The following ARHGEF40 variants were observed in gnomAD, a reference collection of about 807,000 sequenced individuals.
ARHGEF40 encodes the protein Rho guanine nucleotide exchange factor (GEF) 40.
A neutral mutation model predicts 165.9 loss-of-function variants in ARHGEF40; 98 were observed. The ratio of observed to expected loss-of-function variants is 0.59; its 90% CI spans 0.50 to 0.70. ARHGEF40 has a LOEUF of 0.70. Among genes scored for constraint, ARHGEF40 ranks in the 30% least tolerant of loss-of-function variants. ARHGEF40 has a pLI of 0.00. For synonymous variants in ARHGEF40, 792 were observed against 814.3 expected, an observed-to-expected ratio of 0.97 and a Z score of 0.47; for missense variants, 1,815 against 1,968.0, an observed-to-expected ratio of 0.92 and a Z score of 1.47.
In ARHGEF40 at chr14:21,082,070, G is replaced by A. The variant is rs373623197; in HGVS notation, c.3202G>A (p.Gly1068Arg). ...GCTGGGCCGGGCTAGGGGGCCAGAC[G>A]GACCCTGGGGAGTAGGCACCCCCCG... ...VLLGRARGPD[G>R]PWGVGTPRME... Residue 1068 changes from glycine to arginine, a missense_variant, in exon 14 of 24, where the codon GGA becomes AGA. Physicochemically the swap from Gly to Arg is moderately radical, Grantham distance 125. Transcript: ENST00000298694. 1.3e-5 allele frequency: 20 copies of A among 1,559,560 alleles called. No homozygotes were observed. The highest frequency in any genetic ancestry group is 3.3e-4 in the Middle Eastern group (2 of 6,020).
In ARHGEF40 at chr14:21,081,200, C is replaced by T; in HGVS notation, c.2640+184C>T. The T allele has an allele frequency of 9.1e-6, 9 of 989,920 alleles. No homozygotes were observed. The South Asian group carries it at 1.5e-4, about 17-fold the overall frequency. The allele number at this position is 989,920 out of a possible 1,614,324, so 61.3% of individuals were successfully genotyped here. On this transcript the variant is annotated intron_variant, in intron 13 of 23. Coordinates refer to ENST00000298694, the MANE Select transcript of ARHGEF40 (RefSeq NM_018071.5). ...GGCAAGATACTAAACCTGACTGTGCCTCCATAGATCTACCTCACAGGGCTG... is the reference window on the plus strand; with the variant it reads ...GGCAAGATACTAAACCTGACTGTGCTTCCATAGATCTACCTCACAGGGCTG...
In ARHGEF40 at chr14:21,073,325, C is replaced by T. The variant is rs181345160; in HGVS notation, c.201+83C>T. The T allele has an allele frequency of 7.4e-5, 105 of 1,422,456 alleles. No homozygotes were observed. The East Asian group carries it at 2.4e-3, about 33-fold the overall frequency. The allele number at this position is 1,422,456 out of a possible 1,614,324, so 88.1% of individuals were successfully genotyped here. ...GACTAGCCAGGCTGACTAATGCCCC[C>T]ACTAACCTAGAGATACAGCCTCCCT... On this transcript the variant is annotated intron_variant, in intron 2 of 23. Coordinates refer to ENST00000298694, the MANE Select transcript of ARHGEF40 (RefSeq NM_018071.5). The surrounding 1 kb of genome is among the most constrained non-coding windows in gnomAD (Gnocchi z 4.6).
At chr14:21,064,308 T>A in the ARHGEF40 span, among the ~76,000 whole-genome samples, 5,771 of 152,156 alleles carry the variant, frequency 0.038, 347 homozygotes, top group African/African-American at 0.13. Flanking sequence ...CCTTTTTTTT[T>A]TTATTATTTT....
chr14:21,083,294 C>A (rs1033389141), intron 16 of ARHGEF40, among the ~76,000 whole-genome samples: 2 of 151,972 alleles, frequency 1.3e-5, no homozygotes, highest in African/African-American at 4.8e-5. Context: ...GTAATCCCAG[C>A]ACTTTGGGAG....
At chr14:21,068,777 G>A (rs1349191345), upstream of ARHGEF40, among the ~76,000 whole-genome samples, 3 of 152,324 alleles carry the variant, frequency 2.0e-5, no homozygotes, top group East Asian at 5.8e-4. Context: ...TGTTGCCATA[G>A]GTTCTTTTTT....
chr14:21,085,566 A>T, intron 18 of ARHGEF40, 123 bp from the exon 19 acceptor site: 1 of 1,109,968 alleles, frequency 9.0e-7, no homozygotes, highest in Non-Finnish European at 1.3e-6. Flanking sequence ...GGCACGTGAT[A>T]GGTGTTGAGC....
In ARHGEF40 at chr14:21,078,933, A is replaced by G; in HGVS notation, c.2296A>G (p.Ile766Val). 2 of 1,614,204 alleles carry G rather than the reference A, an allele frequency of 1.2e-6. No individual in the cohort carries two copies. The highest frequency in any genetic ancestry group is 1.7e-6 in the Non-Finnish European group (2 of 1,180,002). Residue 766 changes from isoleucine (I) to valine (V), a missense_variant, in exon 11 of 24, where the codon ATT becomes GTT. Transcript: ENST00000298694. ...ACTGTATCAGGAAGTGGACGAGGCC[A>G]TTCACCAGCTTGTGCGCCTCTCCAA... is the stretch of plus-strand genomic sequence containing the variant. ...ATLYQEVDEA[I>V]HQLVRLSNLH... is the part of the protein sequence containing the mutation.
In ARHGEF40 at chr14:21,080,909, G is replaced by A; in HGVS notation, c.2533G>A (p.Glu845Lys). ...LAQAREALAL[E>K]ENATSQKVLD... ...CCAGGCACGGGAGGCCCTGGCTCTG[G>A]AGGAGAATGCCACCTCCCAGAAGGT... Residue 845 changes from glutamate to lysine, a missense_variant, in exon 13 of 24, where the codon GAG becomes AAG. Coordinates refer to ENST00000298694, the MANE Select transcript of ARHGEF40 (RefSeq NM_018071.5). 1.2e-6 allele frequency: 2 copies of A among 1,614,220 alleles called. No individual in the cohort carries two copies. Among genetic ancestry groups the A allele is most frequent in the Non-Finnish European group, 1.7e-6 (2 of 1,180,030 alleles).
At chr14:21,082,500 T>C in intron 15 of ARHGEF40, 22 bp downstream of exon 15, 1 of 1,552,724 alleles carries the variant, frequency 6.4e-7, no homozygotes, top group Non-Finnish European at 8.7e-7. Flanking sequence ...CCTCAACTTC[T>C]TCCAAGTGCT....
Position 21,073,995 on chromosome 14 carries a change from G to A in ARHGEF40, c.265G>A (p.Val89Met), listed in dbSNP as rs1594551159. The A allele has an allele frequency of 6.2e-7, 1 of 1,613,334 alleles. No homozygotes were observed. Among genetic ancestry groups the A allele is most frequent in the Non-Finnish European group, 8.5e-7 (1 of 1,180,012 alleles). ...GWPLCLHEQV[V>M]VQLAALPWQL... is the part of the protein sequence containing the mutation. ...GCCGCTCTGCCTGCATGAACAGGTG[G>A]TGGTGCAGCTAGCAGCCCTACCCTG... Residue 89 changes from valine to methionine, a missense_variant, in exon 3 of 24, where the codon GTG becomes ATG. Coordinates refer to ENST00000298694, the MANE Select transcript of ARHGEF40 (RefSeq NM_018071.5). The surrounding 1 kb of genome is among the most constrained non-coding windows in gnomAD (Gnocchi z 4.6).
chr14:21,068,792 C>T (rs191700120), upstream of ARHGEF40, among the ~76,000 whole-genome samples: 43 of 152,322 alleles, frequency 2.8e-4, no homozygotes, highest in East Asian at 5.8e-3. Context: ...TTTTTTGACG[C>T]ATGGAGCAGA....
intron 19 of ARHGEF40, 111 bp downstream of exon 19, chr14:21,085,977 T>G (rs1268780566): frequency 3.4e-6 from 4 of 1,185,788 alleles, no homozygotes; most frequent in Non-Finnish European, 3.5e-6. Flanking sequence ...GAAGAAAGAA[T>G]GGCTTATAAT....
intron 8 of ARHGEF40, 116 bp from the exon 9 acceptor site, chr14:21,078,061 A>G: frequency 1.2e-6 from 1 of 860,354 alleles, no homozygotes; most frequent in Non-Finnish European, 1.7e-6. Flanking sequence ...CAAAGTCAGG[A>G]ACTGAATTCA....
chr14:21,076,942 T>TGATTATTCA, intron 8 of ARHGEF40, 52 bp downstream of exon 8: 1 of 1,495,372 alleles, frequency 6.7e-7, no homozygotes, highest in Non-Finnish European at 9.3e-7. Context: ...ATAACCCAGC[T>TGATTATTCA]GAAGACATTC....
At chr14:21,061,886 A>G in the ARHGEF40 span, among the ~76,000 whole-genome samples, 3 of 152,246 alleles carry the variant, frequency 2.0e-5, no homozygotes, top group Non-Finnish European at 2.9e-5. Context: ...TGTTAGATTT[A>G]TAAAGGTTTT....
intron 8 of ARHGEF40, among the ~76,000 whole-genome samples, chr14:21,077,623 G>A (rs762944515): frequency 6.6e-6 from 1 of 152,080 alleles, no homozygotes; most frequent in Non-Finnish European, 1.5e-5. Context: ...CAACATCCAG[G>A]CCTCAGGATC....
chr14:21,083,943 G>A lies in ARHGEF40; in HGVS notation c.3682G>A (p.Glu1228Lys). 6.2e-7 allele frequency: 1 copy of A among 1,614,072 alleles called. No individual in the cohort carries two copies. Among genetic ancestry groups the A allele is most frequent in the Non-Finnish European group, 8.5e-7 (1 of 1,180,022 alleles). ...GGAGCTCCTGAGGGAAGCTGGGCCT[G>A]AGCTCAGTTCTGAGTGCCGGGCCCT... Reference protein sequence around the residue: ...LEELLREAGPELSSECRALGA... With the variant: ...LEELLREAGPKLSSECRALGA... The change falls in exon 17 of 24, where the codon GAG (glutamate) becomes AAG (lysine). Residue 1228 changes from glutamate (E) to lysine (K), a missense_variant. Glu to Lys is a moderately conservative substitution (Grantham distance 56). Coordinates refer to ENST00000298694, the MANE Select transcript of ARHGEF40 (RefSeq NM_018071.5).
intron 18 of ARHGEF40, 138 bp downstream of exon 18, chr14:21,085,061 A>G (rs1888233365): frequency 8.8e-7 from 1 of 1,130,264 alleles, no homozygotes; most frequent in South Asian, 1.6e-5. Context: ...GTAATCGACT[A>G]TCGAGTTAGG....
At chr14:21,085,014 G>C in intron 18 of ARHGEF40, 91 bp downstream of exon 18, 1 of 1,480,874 alleles carries the variant, frequency 6.8e-7, no homozygotes, top group Admixed American at 2.0e-5. Context: ...CCCAACAGAG[G>C]TTCAGAATCT....
Sources: allele counts gnomAD v4.1 joint callset (sites outside exome capture counted in the v4.1 genomes callset), GRCh38; gene constraint gnomAD v4.1.1; non-coding constraint Gnocchi (gnomAD v3.1); transcripts MANE v1.5; gene names NCBI Gene and HGNC (gene_info 2026-07-23, HGNC 2026-07-21).